SLC41A2: variants seen among roughly 807,000 people sequenced by gnomAD.
The protein encoded by SLC41A2 is SLC41A1-like 1.
A neutral mutation model predicts 58.3 loss-of-function variants in SLC41A2; 32 were observed. The ratio of observed to expected loss-of-function variants is 0.55; its 90% CI spans 0.41 to 0.74. The LOEUF (loss-of-function observed/expected upper bound fraction) is 0.74. SLC41A2 is among the 30% of genes least tolerant of loss of function. The pLI, the probability that SLC41A2 is intolerant of heterozygous loss-of-function variation, is 0.00. For synonymous variants in SLC41A2, 190 were observed against 235.0 expected (o/e 0.81, Z 1.75); for missense variants, 514 against 680.6 (o/e 0.76, Z 2.72).
intron 2 of SLC41A2, among the ~76,000 whole-genome samples, chr12:104,924,385 T>C (rs1472552897): frequency 6.6e-6 from 1 of 152,224 alleles, no homozygotes; most frequent in Non-Finnish European, 1.5e-5. Context: ...TATCTCCATA[T>C]CCTAAGACCT....
chr12:104,918,181 T>C (rs1432571512), intron 2 of SLC41A2, among the ~76,000 whole-genome samples: 1 of 151,996 alleles, frequency 6.6e-6, no homozygotes, highest in Non-Finnish European at 1.5e-5. Flanking sequence ...ATAGGCACTC[T>C]TTTGCACTGC....
At chr12:104,828,871 A>G (rs1365112716) in intron 10 of SLC41A2, among the ~76,000 whole-genome samples, 1 of 152,172 alleles carries the variant, frequency 6.6e-6, no homozygotes, top group Admixed American at 6.5e-5. Flanking sequence ...ATAAGAAAAC[A>G]TGAGTGGTTA....
intron 2 of SLC41A2, among the ~76,000 whole-genome samples, chr12:104,923,204 C>CAAAAAAAAAAAAAAAAAAAAAAA (rs1267157553): frequency 9.3e-6 from 1 of 108,062 alleles, no homozygotes; most frequent in Non-Finnish European, 2.1e-5. Context: ...CTACTAAAAG[C>CAAAAAAAAAAAAAAAAAAAAAAA]ACAAAAAATT....
chr12:104,865,564 T>C (rs967106300), intron 7 of SLC41A2, among the ~76,000 whole-genome samples: 2 of 152,218 alleles, frequency 1.3e-5, no homozygotes, highest in Admixed American at 6.5e-5. Flanking sequence ...TTTTTCATTC[T>C]GCTCATTCAG....
At chr12:104,843,763 T>A (rs964283097) in intron 10 of SLC41A2, among the ~76,000 whole-genome samples, 1 of 152,178 alleles carries the variant, frequency 6.6e-6, no homozygotes, top group African/African-American at 2.4e-5. Context: ...TTTGTATGTA[T>A]CCCACTTTGA....
intron 1 of SLC41A2, among the ~76,000 whole-genome samples, chr12:104,939,051 C>A (rs2047397168): frequency 6.6e-6 from 1 of 152,166 alleles, no homozygotes; most frequent in African/African-American, 2.4e-5. Flanking sequence ...AAGGGCAGTC[C>A]TTTTCACTGA....
chr12:104,815,983 C>T (rs1014223218), intron 10 of SLC41A2, among the ~76,000 whole-genome samples: 7 of 151,936 alleles, frequency 4.6e-5, no homozygotes, highest in Non-Finnish European at 1.0e-4. Context: ...TTTTTTCCTC[C>T]TGGGTACTAT....
intron 10 of SLC41A2, among the ~76,000 whole-genome samples, chr12:104,818,337 T>C (rs1183593605): frequency 5.3e-5 from 8 of 152,120 alleles, no homozygotes; most frequent in Admixed American, 4.6e-4. Context: ...GAAAACCAAC[T>C]AGAACTTTTA....
intron 10 of SLC41A2, among the ~76,000 whole-genome samples, chr12:104,840,072 C>A: frequency 6.6e-6 from 1 of 152,242 alleles, no homozygotes; most frequent in Non-Finnish European, 1.5e-5. Flanking sequence ...AAGGGACTAG[C>A]CTTTGAAGAA....
chr12:104,924,284 A>G (rs1188648663), intron 2 of SLC41A2, among the ~76,000 whole-genome samples: 1 of 152,236 alleles, frequency 6.6e-6, no homozygotes, highest in African/African-American at 2.4e-5. Flanking sequence ...AAATAAGAAT[A>G]TAGAGTATTG....
In SLC41A2 at chr12:104,929,815, G is replaced by A. The variant is rs1358397053; in HGVS notation, c.-167-1121C>T. On this transcript the variant is annotated intron_variant, in intron 1 of 10. Transcript: ENST00000258538. ...CTGCGTTCCTGCCAAGCTAGACTGA[G>A]AATTGTTGCTGCTACTATTGCTGCT... is the stretch of plus-strand genomic sequence containing the variant. 2.0e-5 allele frequency among the ~76,000 whole-genome samples: 3 copies of A among 152,236 alleles called. No homozygotes were observed. In the East Asian group the frequency reaches 5.8e-4, roughly 29 times the overall value.
rs150289339 is a variant in SLC41A2 at position 104,956,679 on chromosome 12, C to CAAATAAAT, written c.-168+1401_-168+1408dup. On this transcript the variant is annotated intron_variant, in intron 1 of 10. Coordinates refer to ENST00000258538, the MANE Select transcript of SLC41A2 (RefSeq NM_001352171.3). ...GGGTGACAGACTGAGAGTCAGTCTC[C>CAAATAAAT]AAATAAATAAATAAATAAATAAATA... 3.1e-4 allele frequency among the ~76,000 whole-genome samples: 47 copies of CAAATAAAT among 151,058 alleles called. 1 individual carries two copies. Among genetic ancestry groups the CAAATAAAT allele is most frequent in the Admixed American group, 1.2e-3 (18 of 15,188 alleles).
rs1048408552 is a variant in SLC41A2 at position 104,958,171 on chromosome 12, G to C, written c.-251C>G. On this transcript the variant is annotated 5_prime_UTR_variant, in exon 1 of 11. Transcript: ENST00000258538. Reference sequence around the variant, plus strand: ...ACCAGACCGAGACACCAGGGGCGGGGGATGGAAGGGGCATTCACCTGGTGC... The same window carrying C: ...ACCAGACCGAGACACCAGGGGCGGGCGATGGAAGGGGCATTCACCTGGTGC... 10 of 152,092 alleles carry C rather than the reference G, an allele frequency of 6.6e-5. No homozygotes were observed. Among genetic ancestry groups the C allele is most frequent in the African/African-American group, 2.4e-4 (10 of 41,384 alleles). 9.4% of individuals were successfully genotyped at this position (152,092 alleles called of 1,614,324 possible).
intron 1 of SLC41A2, among the ~76,000 whole-genome samples, chr12:104,934,318 G>A (rs959330906): frequency 1.3e-5 from 2 of 152,124 alleles, no homozygotes; most frequent in Non-Finnish European, 2.9e-5. Context: ...TAGCACAGCT[G>A]GGAAGAACCA....
chr12:104,920,491 T>C (rs752091887), intron 2 of SLC41A2, among the ~76,000 whole-genome samples: 1 of 151,920 alleles, frequency 6.6e-6, no homozygotes, highest in Non-Finnish European at 1.5e-5. Context: ...GATAAATTCA[T>C]TGAAAGCTCT....
intron 6 of SLC41A2, among the ~76,000 whole-genome samples, chr12:104,881,901 T>A (rs1039649179): frequency 7.9e-5 from 12 of 152,162 alleles, no homozygotes; most frequent in Admixed American, 2.0e-4. Context: ...ATCTGTCTAA[T>A]GTTGACAGTG....
At chr12:104,926,375 C>T (rs1165492030) in intron 2 of SLC41A2, among the ~76,000 whole-genome samples, 4 of 152,054 alleles carry the variant, frequency 2.6e-5, no homozygotes, top group Non-Finnish European at 4.4e-5. Context: ...CAGAGGCAGG[C>T]GGATCACTTG....
intron 4 of SLC41A2, among the ~76,000 whole-genome samples, chr12:104,889,427 C>T (rs996589280): frequency 6.6e-6 from 1 of 152,082 alleles, no homozygotes; most frequent in Non-Finnish European, 1.5e-5. Context: ...ACAAGCACCC[C>T]AAGTGATGCT....
intron 8 of SLC41A2, chr12:104,851,997 C>A (rs1448242083): frequency 6.6e-6 from 1 of 152,142 alleles, no homozygotes; most frequent in Non-Finnish European, 1.5e-5. Context: ...AGCATATAAA[C>A]AAGGCCAGTA....
Sources: gnomAD v4.1 joint callset for allele counts (sites outside exome capture counted in the v4.1 genomes callset) on GRCh38, gnomAD v4.1.1 for gene constraint, MANE v1.5 for transcripts, NCBI Gene and HGNC (gene_info 2026-07-23, HGNC 2026-07-21) for gene names.